Variants in POLG observed in about 807,000 individuals in gnomAD.
The protein encoded by POLG is DNA polymerase gamma, catalytic subunit.
Under a neutral mutation model 155.4 loss-of-function variants are expected in POLG, and 110 were observed. The ratio of observed to expected loss-of-function variants is 0.71; its 90% CI spans 0.61 to 0.83. POLG has a LOEUF of 0.83. Ranked by LOEUF, POLG falls within the 40% of genes least tolerant of loss-of-function variation. The probability of loss-of-function intolerance (pLI) is 0.00; values close to 1 mark genes in which losing one functional copy is unlikely to be tolerated. For synonymous variants in POLG, 701 were observed against 631.5 expected (o/e 1.11, Z -1.65); for missense variants, 1,685 against 1,627.5 (o/e 1.04, Z -0.61).
At position 89,325,073 on chromosome 15, in the gene POLG, T is replaced by TGAGA. The variant is rs1171099384; in HGVS notation, c.1949+376_1949+377insTCTC. On this transcript the variant is annotated intron_variant, in intron 10 of 22. Transcript: ENST00000268124. ...GTGAGTGAGAGAGTGAGTGAGTGAGTGAGTGAGTGAGAGAGTGAGTGAGTG... is the reference window on the plus strand; with the variant it reads ...GTGAGTGAGAGAGTGAGTGAGTGAGTGAGAGAGTGAGTGAGAGAGTGAGTGAGTG... Among the ~76,000 whole-genome samples the TGAGA allele has an allele frequency of 9.4e-4, 70 of 74,388 alleles. 11 individuals carry two copies. The highest frequency in any genetic ancestry group is 4.8e-3 in the African/African-American group (61 of 12,614). 48.8% of individuals were successfully genotyped at this position (74,388 alleles called of 152,430 possible). A position where few individuals can be genotyped will look rare whatever the true frequency, so the allele number is the denominator to read the frequency against.
chr15:89,327,796 G>A (rs957405642), intron 6 of POLG, among the ~76,000 whole-genome samples: 2 of 151,946 alleles, frequency 1.3e-5, no homozygotes, highest in African/African-American at 2.4e-5. Context: ...TTAGCCACCC[G>A]AGACAGCAAG....
chr15:89,326,951 C>T lies in POLG; in HGVS notation c.1546G>A (p.Glu516Lys), dbSNP rs767802442. The change falls in exon 8 of 23, where the codon GAG becomes AAG. Residue 516 changes from glutamate to lysine, a missense_variant. Around this residue, in one of 3 missense-constraint regions of POLG, gnomAD observed 1,210 missense variants for 1,167.1 expected, o/e 1.04. Transcript: ENST00000268124. Reference sequence around the variant, plus strand: ...GGATCACCAGGGGCCCCAGCCCCCTCGATGGGCAACTTGCTGGCTGTGGCT... The same window carrying T: ...GGATCACCAGGGGCCCCAGCCCCCTTGATGGGCAACTTGCTGGCTGTGGCT... ...EPATASKLPIEGAGAPGDPMD... is the reference protein window; with the variant it reads ...EPATASKLPIKGAGAPGDPMD... 6.2e-6 allele frequency: 10 copies of T among 1,614,224 alleles called. No individual in the cohort carries two copies. The East Asian group carries it at 6.7e-5, about 11-fold the overall frequency.
chr15:89,323,084 C>A (rs2055421422), intron 13 of POLG, among the ~76,000 whole-genome samples, 182 bp from the exon 14 acceptor site: 1 of 152,226 alleles, frequency 6.6e-6, no homozygotes, highest in Non-Finnish European at 1.5e-5. Context: ...CACACACATG[C>A]CCCCTAAGAC....
rs746028610 is a variant in POLG at position 89,321,828 on chromosome 15, G to C, written c.2506C>G (p.Leu836Val). The change falls in exon 16 of 23, where the codon CTC becomes GTC. Residue 836 changes from leucine to valine, a missense_variant. By Grantham distance (32) the Leu-to-Val change is conservative. Transcript: ENST00000268124. The stretch of plus-strand genomic sequence containing the variant: ...ACTTGGGGCAGGATGGCCCCATAGA[G>C]GCCTTCCTCATCATAGTCGGGGTGC... ...IRHPDYDEEGLYGAILPQVVT... is the reference protein window; with the variant it reads ...IRHPDYDEEGVYGAILPQVVT... The C allele has an allele frequency of 6.2e-7, 1 of 1,614,118 alleles. No individual in the cohort carries two copies. Among genetic ancestry groups the C allele is most frequent in the East Asian group, 2.2e-5 (1 of 44,874 alleles).
intron 21 of POLG, 28 bp from the exon 22 acceptor site, chr15:89,317,564 G>T: frequency 6.2e-7 from 1 of 1,609,920 alleles, no homozygotes; most frequent in Non-Finnish European, 8.5e-7. Flanking sequence ...TACTCTCACA[G>T]TCATGCCCCT....
intron 18 of POLG, 116 bp from the exon 19 acceptor site, chr15:89,319,466 G>GTGTT: frequency 2.2e-6 from 3 of 1,370,716 alleles, no homozygotes; most frequent in South Asian, 1.2e-5. Context: ...CATCATGCCA[G>GTGTT]TCCCCTAAAG....
In POLG at chr15:89,320,794, TCTG is replaced by T; in HGVS notation, c.2950_2952del (p.Gln984del). ...CGGAGGCCCTTGGTGGCAGCGTACA[TCTG>T]CTGGGCCTTCTCAGCTGCCTCCTGC... On this transcript the variant is annotated inframe_deletion, in exon 18 of 23. Transcript: ENST00000268124. The T allele has an allele frequency of 6.2e-7, 1 of 1,613,732 alleles. No individual in the cohort carries two copies. Among genetic ancestry groups the T allele is most frequent in the Non-Finnish European group, 8.5e-7 (1 of 1,180,012 alleles).
chr15:89,317,797 T>G, intron 21 of POLG: 1 of 507,898 alleles, frequency 2.0e-6, no homozygotes. Context: ...CTTTATTAAT[T>G]AATATACGAA....
At chr15:89,332,994 G>A in intron 2 of POLG, 102 bp downstream of exon 2, 1 of 1,451,478 alleles carries the variant, frequency 6.9e-7, no homozygotes, top group South Asian at 1.6e-5. Flanking sequence ...CTCCCTACGT[G>A]AGCACCCAGC....
chr15:89,325,388 G>T (rs2055500837), intron 10 of POLG, 62 bp downstream of exon 10: 2 of 1,210,854 alleles, frequency 1.7e-6, no homozygotes, highest in African/African-American at 1.5e-5. Flanking sequence ...AGCCTGAGCT[G>T]ACCAGCCAGG....
At chr15:89,326,083 T>G (rs980790259) in intron 9 of POLG, among the ~76,000 whole-genome samples, 1 of 152,072 alleles carries the variant, frequency 6.6e-6, no homozygotes, top group Non-Finnish European at 1.5e-5. Context: ...TTCACCAGAG[T>G]TGAGCCCAGG....
At chr15:89,320,712 G>A in intron 18 of POLG, 54 bp downstream of exon 18, 2 of 1,603,722 alleles carry the variant, frequency 1.2e-6, no homozygotes, top group Non-Finnish European at 1.7e-6. Flanking sequence ...CTAAAGGACA[G>A]TAAAGCAGGC....
rs138839311 is a variant in POLG, at chr15:89,325,252, G to GAA, written c.1949+197_1949+198insTT. On this transcript the variant is annotated intron_variant, in intron 10 of 22. Coordinates refer to ENST00000268124, the MANE Select transcript of POLG (RefSeq NM_002693.3). ...TGAGTGAGAGAGTGAGTGAGTGAGA[G>GAA]AGAGAGTGAGTGAGTGAGTGAGAGA... Among the ~76,000 whole-genome samples the GAA allele has an allele frequency of 0.024, 2,239 of 91,610 alleles. 821 individuals are homozygous for GAA. Among genetic ancestry groups the GAA allele is most frequent in the African/African-American group, 0.13 (2,040 of 16,284 alleles). The allele number at this position is 91,610 out of a possible 152,430, so 60.1% of individuals were successfully genotyped here. A position where few individuals can be genotyped will look rare whatever the true frequency, so the allele number is the denominator to read the frequency against.
At position 89,327,338 on chromosome 15, in the gene POLG, G is replaced by A. The variant is rs752240321; in HGVS notation, c.1262C>T (p.Pro421Leu). 2.0e-5 allele frequency: 32 copies of A among 1,613,538 alleles called. No homozygotes were observed. Among genetic ancestry groups the A allele is most frequent in the Non-Finnish European group, 2.4e-5 (28 of 1,179,994 alleles). ...CTCCAGCATGCCGGCCAGAGTCACT[G>A]GGTGGGGACACCTTGGAGGCAAACA... Reference protein sequence around the residue: ...LPLFLERCPHPVTLAGMLEMG... With the variant: ...LPLFLERCPHLVTLAGMLEMG... The change falls in exon 7 of 23, where the codon CCA (proline) becomes CTA (leucine). Residue 421 changes from proline to leucine, a missense_variant. Physicochemically the swap from Pro to Leu is moderately conservative, Grantham distance 98. Coordinates refer to ENST00000268124, the MANE Select transcript of POLG (RefSeq NM_002693.3).
Position 89,325,455 on chromosome 15 carries a change from G to A in POLG, c.1944C>T (p.Pro648=). The A allele has an allele frequency of 6.2e-7, 1 of 1,600,596 alleles. No homozygotes were observed. The highest frequency in any genetic ancestry group is 2.2e-5 in the East Asian group (1 of 44,862). ...CCCCTGGGCCTAAGCCTTACCTGTA[G>A]GGGCAGACCACCCCAGCTGACTCCA... is the stretch of plus-strand genomic sequence containing the variant. ...TTLESAGVVC[P]YRAIESLYRK... Residue 648 remains proline, a synonymous_variant, in exon 10 of 23, where the codon CCC becomes CCT. Transcript: ENST00000268124.
chr15:89,323,015 G>C (rs1269014886), intron 13 of POLG, 113 bp from the exon 14 acceptor site: 2 of 1,076,260 alleles, frequency 1.9e-6, no homozygotes, highest in Non-Finnish European at 2.7e-6. Flanking sequence ...TCAGCAGTCT[G>C]AGGCAAATCC....
Position 89,316,640 on chromosome 15 carries a change from C to T in POLG, c.*111G>A, listed in dbSNP as rs2055274477. The T allele has an allele frequency of 2.6e-6, 3 of 1,169,966 alleles. No homozygotes were observed. Among genetic ancestry groups the T allele is most frequent in the Middle Eastern group, 2.1e-4 (1 of 4,818 alleles). The allele number at this position is 1,169,966 out of a possible 1,614,324, so 72.5% of individuals were successfully genotyped here. A position where few individuals can be genotyped will look rare whatever the true frequency, so the allele number is the denominator to read the frequency against. ...GGCAGGTCCTGCTACTGAAAAATGG[C>T]TGGCCTTAGGCAAGCCCTTTTGCAA... On this transcript the variant is annotated 3_prime_UTR_variant, in exon 23 of 23. Transcript: ENST00000268124.
At chr15:89,318,125 TAGC>T (rs2055330292) in intron 21 of POLG, 1 of 194,378 alleles carries the variant, frequency 5.1e-6, no homozygotes, top group Non-Finnish European at 1.1e-5. Context: ...TGTTTTCTGT[TAGC>T]AGTCAAATAA....
intron 2 of POLG, 125 bp from the exon 3 acceptor site, chr15:89,330,401 C>A: frequency 1.3e-6 from 1 of 779,036 alleles, no homozygotes; most frequent in Non-Finnish European, 2.2e-6. Flanking sequence ...CAAGTGAGAC[C>A]AAAGGGTGCT....
Sources: gnomAD v4.1 joint callset for allele counts (sites outside exome capture counted in the v4.1 genomes callset) on GRCh38, gnomAD v4.1.1 for gene constraint, gnomAD v4.1.1 regional missense constraint, MANE v1.5 for transcripts, NCBI Gene and HGNC (gene_info 2026-07-23, HGNC 2026-07-21) for gene names.